Variants in HHIP observed in about 807,000 individuals in gnomAD.
HHIP encodes hedgehog interacting protein.
A neutral mutation model predicts 74.0 loss-of-function variants in HHIP; 12 were observed. The observed-to-expected ratio is 0.16, with a 90% CI of 0.10 to 0.26. The LOEUF is 0.26. Ranked by LOEUF, HHIP falls within the 10% of genes least tolerant of loss-of-function variation. HHIP has a pLI of 1.00. For missense variants in HHIP, 788 were observed against 845.0 expected, an observed-to-expected ratio of 0.93 and a Z score of 0.84; for synonymous variants, 309 against 311.6, an observed-to-expected ratio of 0.99 and a Z score of 0.09.
At chr4:144,721,122 T>A (rs1730622207) in intron 11 of HHIP, among the ~76,000 whole-genome samples, 1 of 152,206 alleles carries the variant, frequency 6.6e-6, no homozygotes, top group African/African-American at 2.4e-5. Context: ...CCCCCAGGTT[T>A]GCTAGAATAA....
chr4:144,711,993 A>C lies in HHIP; in HGVS notation c.1345A>C (p.Thr449Pro). Residue 449 changes from threonine to proline, a missense_variant, in exon 8 of 13, where the codon ACG (threonine) becomes CCG (proline). Thr to Pro is a conservative substitution (Grantham distance 38, BLOSUM62 -1). Around this residue, in one of 3 missense-constraint regions of HHIP, gnomAD observed 343 missense variants for 347.9 expected, o/e 0.99. Transcript: ENST00000296575. ...RHPTDININL[T>P]ILCSDSNGKN... Reference sequence around the variant, plus strand: ...TCCCACTGATATAAACATCAATTTAACGATACTGTGTTCAGACTCCAATGG... The same window carrying C: ...TCCCACTGATATAAACATCAATTTACCGATACTGTGTTCAGACTCCAATGG... 1 of 1,611,852 alleles carries C rather than the reference A, an allele frequency of 6.2e-7. No homozygotes were observed. The highest frequency in any genetic ancestry group is 8.5e-7 in the Non-Finnish European group (1 of 1,178,164).
intron 4 of HHIP, among the ~76,000 whole-genome samples, chr4:144,668,360 G>A (rs984841014): frequency 6.6e-6 from 1 of 151,730 alleles, no homozygotes; most frequent in African/African-American, 2.4e-5. Flanking sequence ...CATGAAATCA[G>A]AGAAGAGAGA....
At chr4:144,734,684 C>A in intron 11 of HHIP, 57 bp from the exon 12 acceptor site, 2 of 1,342,508 alleles carry the variant, frequency 1.5e-6, no homozygotes, top group Non-Finnish European at 2.0e-6. Context: ...CACTAGATTT[C>A]ATTCCACTGT....
chr4:144,659,050 T>A, intron 3 of HHIP, 104 bp downstream of exon 3: 1 of 875,674 alleles, frequency 1.1e-6, no homozygotes, highest in Non-Finnish European at 1.7e-6. Context: ...TCAGCAGCTA[T>A]ATCCTCCAGA....
intron 2 of HHIP, among the ~76,000 whole-genome samples, chr4:144,653,649 G>C (rs545523040): frequency 2.0e-5 from 3 of 152,134 alleles, no homozygotes; most frequent in Non-Finnish European, 4.4e-5. Flanking sequence ...AGATTAAGCA[G>C]TATTTAAGGA....
intron 7 of HHIP, among the ~76,000 whole-genome samples, chr4:144,710,511 C>A (rs144967612): frequency 6.7e-4 from 102 of 152,216 alleles, no homozygotes; most frequent in Admixed American, 4.6e-3. Flanking sequence ...ATGACTCTTA[C>A]GTCTCTTAAG....
intron 4 of HHIP, among the ~76,000 whole-genome samples, chr4:144,678,553 C>G (rs561597592): frequency 1.6e-4 from 25 of 152,210 alleles, no homozygotes; most frequent in African/African-American, 6.0e-4. Flanking sequence ...CCCCCCATCC[C>G]CCTGACAGGC....
intron 4 of HHIP, among the ~76,000 whole-genome samples, chr4:144,684,340 G>A (rs1287900157): frequency 8.2e-6 from 1 of 121,738 alleles, no homozygotes; most frequent in Admixed American, 1.1e-4. Context: ...CTCACTGCAA[G>A]CTCTGCCTCC....
At chr4:144,713,926 T>A (rs1730370355) in intron 8 of HHIP, among the ~76,000 whole-genome samples, 2 of 152,212 alleles carry the variant, frequency 1.3e-5, no homozygotes, top group Middle Eastern at 6.8e-3. Context: ...AAGTAAATAA[T>A]CATGAGTCCC....
At position 144,715,427 on chromosome 4, in the gene HHIP, C is replaced by T. The variant is rs1199743523; in HGVS notation, c.1675C>T (p.Leu559=). The part of the protein sequence containing the change: ...GHILGFGEDE[L]GEVYILSSSK... ...CATCTTGGGATTTGGAGAAGATGAA[C>T]TAGGTACTGTACAATCTAGTTCTGT... is the stretch of plus-strand genomic sequence containing the variant. The change falls in exon 10 of 13, where the codon CTA becomes TTA. Residue 559 remains leucine, a synonymous_variant. Transcript: ENST00000296575. 1 of 1,613,018 alleles carries T rather than the reference C, an allele frequency of 6.2e-7. No individual in the cohort carries two copies. Among genetic ancestry groups the T allele is most frequent in the African/African-American group, 1.3e-5 (1 of 74,836 alleles).
intron 11 of HHIP, among the ~76,000 whole-genome samples, chr4:144,720,017 CA>C (rs1730587170): frequency 6.6e-6 from 1 of 152,052 alleles, no homozygotes; most frequent in Admixed American, 6.6e-5. Context: ...TTGGCTCTTG[CA>C]GAACAAAAAA....
In HHIP at chr4:144,663,543, T is replaced by A. The variant is rs1395180079; in HGVS notation, c.831+3705T>A. Among the ~76,000 whole-genome samples, 6 of 152,240 alleles carry A rather than the reference T, an allele frequency of 3.9e-5. No individual in the cohort carries two copies. The East Asian group carries it at 1.2e-3, about 29-fold the overall frequency. ...AGAGCAGGTGGTTGGATACCAGTTG[T>A]CATTTGCCCTGTACCTTTTCTAATT... is the stretch of plus-strand genomic sequence containing the variant. On this transcript the variant is annotated intron_variant, in intron 4 of 12. Coordinates refer to ENST00000296575, the MANE Select transcript of HHIP (RefSeq NM_022475.3).
At position 144,646,815 on chromosome 4, in the gene HHIP, G is replaced by A. The variant is rs370288716; in HGVS notation, c.140G>A (p.Arg47His). The A allele has an allele frequency of 3.2e-5, 52 of 1,614,126 alleles. No individual in the cohort carries two copies. The highest frequency in any genetic ancestry group is 4.2e-5 in the Non-Finnish European group (50 of 1,180,050). ...TGCCTGAATGGGAACCCCCCGAAGCGCCTGAAAAGGAGAGACAGGAGGATG... is the reference window on the plus strand; with the variant it reads ...TGCCTGAATGGGAACCCCCCGAAGCACCTGAAAAGGAGAGACAGGAGGATG... Reference protein sequence around the residue: ...RRCLNGNPPKRLKRRDRRMMS... With the variant: ...RRCLNGNPPKHLKRRDRRMMS... The change falls in exon 1 of 13, where the codon CGC becomes CAC. Residue 47 changes from arginine (R) to histidine (H), a missense_variant. This residue lies in a region of HHIP where 373 missense variants were observed against 366.4 expected (regional missense o/e 1.02). Transcript: ENST00000296575.
rs1168167144 is a variant in HHIP, at chr4:144,738,182, C to T, written c.*225C>T. 1 of 1,130,948 alleles carries T rather than the reference C, an allele frequency of 8.8e-7. No individual in the cohort carries two copies. Among genetic ancestry groups the T allele is most frequent in the East Asian group, 4.4e-5 (1 of 22,892 alleles). 70.1% of individuals were successfully genotyped at this position (1,130,948 alleles called of 1,614,324 possible). ...AACCCCTATATGCGTTGTTGCATAA[C>T]AGATGATTTTTTAAAATATATACTT... On this transcript the variant is annotated 3_prime_UTR_variant, in exon 13 of 13. Coordinates refer to ENST00000296575, the MANE Select transcript of HHIP (RefSeq NM_022475.3).
chr4:144,659,545 C>T (rs564443772), intron 3 of HHIP, 92 bp from the exon 4 acceptor site: 22 of 789,520 alleles, frequency 2.8e-5, no homozygotes, highest in Admixed American at 5.9e-5. Context: ...ACCATGATTC[C>T]TAGAGGAAAT....
At chr4:144,720,109 A>G (rs996214706) in intron 11 of HHIP, among the ~76,000 whole-genome samples, 9 of 152,206 alleles carry the variant, frequency 5.9e-5, no homozygotes, top group African/African-American at 2.2e-4. Context: ...ATTTAACTGT[A>G]TACATTTTCT....
chr4:144,658,714 A>C, intron 2 of HHIP, 76 bp from the exon 3 acceptor site: 1 of 1,243,708 alleles, frequency 8.0e-7, no homozygotes, highest in Admixed American at 2.3e-5. Context: ...TCTTTTCCTC[A>C]TCTTATATCT....
intron 11 of HHIP, among the ~76,000 whole-genome samples, chr4:144,719,829 C>T (rs994361428): frequency 6.6e-6 from 1 of 152,200 alleles, no homozygotes; most frequent in Non-Finnish European, 1.5e-5. Flanking sequence ...ATTTTCATGA[C>T]TCCATTTTCA....
intron 4 of HHIP, among the ~76,000 whole-genome samples, chr4:144,665,922 AG>A (rs1208932870): frequency 6.6e-6 from 1 of 152,118 alleles, no homozygotes; most frequent in Non-Finnish European, 1.5e-5. Flanking sequence ...TAAGATTTGA[AG>A]GGCAAAGGAA....
Sources: allele counts gnomAD v4.1 joint callset (sites outside exome capture counted in the v4.1 genomes callset), GRCh38; gene constraint gnomAD v4.1.1; regional missense constraint gnomAD v4.1.1; transcripts MANE v1.5; gene names NCBI Gene and HGNC (gene_info 2026-07-23, HGNC 2026-07-21).